Variants in FAM13A observed in about 807,000 individuals in gnomAD.
The protein encoded by FAM13A is family with sequence similarity 13 member A.
In FAM13A, 76 loss-of-function variants were observed where a neutral mutation model predicts 129.6. The observed-to-expected ratio is 0.59, with a 90% confidence interval of 0.49 to 0.71. FAM13A has a LOEUF of 0.71. Ranked by LOEUF, FAM13A falls within the 30% of genes least tolerant of loss-of-function variation. The pLI, the probability that FAM13A is intolerant of heterozygous loss-of-function variation, is 0.00. For synonymous variants in FAM13A, 443 were observed against 449.9 expected (o/e 0.98, Z 0.20); for missense variants, 1,108 against 1,249.3 (o/e 0.89, Z 1.70).
chr4:88,922,545 C>T (rs1468548101), intron 5 of FAM13A, among the ~76,000 whole-genome samples: 5 of 151,888 alleles, frequency 3.3e-5, no homozygotes, highest in African/African-American at 1.2e-4. Flanking sequence ...GGGACACATT[C>T]AAAGCAGTGT....
chr4:89,004,566 TC>T (rs1252375715), intron 3 of FAM13A, among the ~76,000 whole-genome samples: 2 of 152,204 alleles, frequency 1.3e-5, no homozygotes, highest in Non-Finnish European at 2.9e-5. Flanking sequence ...CTTTTCCTTC[TC>T]CTTTCTAATC....
At chr4:88,912,837 C>T (rs1749302131) in intron 5 of FAM13A, among the ~76,000 whole-genome samples, 1 of 152,016 alleles carries the variant, frequency 6.6e-6, no homozygotes, top group Admixed American at 6.6e-5. Context: ...TAAAATTAGG[C>T]AGGCATGGTG....
intron 5 of FAM13A, among the ~76,000 whole-genome samples, chr4:88,920,800 T>C (rs570181734): frequency 1.6e-4 from 24 of 152,180 alleles, no homozygotes; most frequent in African/African-American, 5.3e-4. Flanking sequence ...TTAAAAACTT[T>C]GAAAAAAATT....
intron 19 of FAM13A, among the ~76,000 whole-genome samples, chr4:88,746,197 T>A (rs1172566495): frequency 6.6e-6 from 1 of 152,228 alleles, no homozygotes; most frequent in Non-Finnish European, 1.5e-5. Flanking sequence ...CTTTTAAAAA[T>A]TTGTTTTGTT....
chr4:88,965,750 C>G (rs1428067089), intron 4 of FAM13A, among the ~76,000 whole-genome samples: 2 of 152,190 alleles, frequency 1.3e-5, no homozygotes, highest in Non-Finnish European at 2.9e-5. Context: ...CTGCTAACCA[C>G]CATTCTACCG....
At chr4:88,998,352 A>G (rs1168720044) in intron 3 of FAM13A, among the ~76,000 whole-genome samples, 1 of 152,212 alleles carries the variant, frequency 6.6e-6, no homozygotes, top group Admixed American at 6.5e-5. Flanking sequence ...CCCAGGTACC[A>G]AATAGCTGAG....
Position 88,728,596 on chromosome 4 carries a change from C to T in FAM13A, c.3009G>A (p.Lys1003=), listed in dbSNP as rs1398406481. 1 of 1,614,198 alleles carries T rather than the reference C, an allele frequency of 6.2e-7. No homozygotes were observed. Residue 1003 remains lysine, a synonymous_variant, in exon 24 of 24, where the codon AAG becomes AAA. Coordinates refer to ENST00000264344, the MANE Select transcript of FAM13A (RefSeq NM_014883.4). ...GCACCTCCAGGAGCCTCAGTTTCGC[C>T]TTTATGTGCTTATATTCACTGTATT... ...AEEYSEYKHI[K]AKLRLLEVLI...
intron 2 of FAM13A, among the ~76,000 whole-genome samples, chr4:89,021,702 T>C (rs375370570): frequency 6.6e-6 from 1 of 152,136 alleles, no homozygotes; most frequent in African/African-American, 2.4e-5. Flanking sequence ...AAGTAGAGTA[T>C]GGAGAGGACC....
At chr4:89,026,432 T>C (rs1359314417) in intron 2 of FAM13A, among the ~76,000 whole-genome samples, 6 of 152,220 alleles carry the variant, frequency 3.9e-5, no homozygotes, top group African/African-American at 1.4e-4. Flanking sequence ...AACAGAAACC[T>C]GGCTCTTAAG....
At chr4:89,008,195 A>G (rs1463280769) in intron 3 of FAM13A, among the ~76,000 whole-genome samples, 1 of 152,226 alleles carries the variant, frequency 6.6e-6, no homozygotes, top group Non-Finnish European at 1.5e-5. Flanking sequence ...TAAAAAGCAC[A>G]GTGTTATGGA....
At chr4:89,017,001 A>G (rs1435384285) in intron 3 of FAM13A, among the ~76,000 whole-genome samples, 1 of 152,206 alleles carries the variant, frequency 6.6e-6, no homozygotes, top group Non-Finnish European at 1.5e-5. Flanking sequence ...ACAACTGCCT[A>G]CAGTATTCAG....
intron 4 of FAM13A, among the ~76,000 whole-genome samples, chr4:88,987,801 C>G (rs1762427875): frequency 7.3e-6 from 1 of 136,476 alleles, no homozygotes; most frequent in Admixed American, 7.9e-5. Context: ...AAGATCGCGC[C>G]ACTGCACTCC....
At chr4:88,791,845 A>G (rs1401901092) in intron 8 of FAM13A, among the ~76,000 whole-genome samples, 1 of 152,010 alleles carries the variant, frequency 6.6e-6, no homozygotes, top group Non-Finnish European at 1.5e-5. Flanking sequence ...GGACTGTACA[A>G]TATTTCTCAT....
chr4:88,892,851 T>C (rs1561268459), intron 6 of FAM13A, among the ~76,000 whole-genome samples: 1 of 152,144 alleles, frequency 6.6e-6, no homozygotes, highest in Non-Finnish European at 1.5e-5. Flanking sequence ...TTTGCTGATA[T>C]TACATTATTT....
At chr4:88,786,639 C>G (rs1198043864) in intron 10 of FAM13A, among the ~76,000 whole-genome samples, 1 of 151,884 alleles carries the variant, frequency 6.6e-6, no homozygotes, top group Non-Finnish European at 1.5e-5. Context: ...GCACATGCTA[C>G]TTGTAAATCA....
chr4:88,983,879 T>C (rs1354917106), intron 4 of FAM13A, among the ~76,000 whole-genome samples: 1 of 152,192 alleles, frequency 6.6e-6, no homozygotes. Context: ...CTTGGAGTAT[T>C]GAAACTTCAT....
intron 5 of FAM13A, among the ~76,000 whole-genome samples, chr4:88,922,539 C>A (rs1311644032): frequency 6.6e-6 from 1 of 151,508 alleles, no homozygotes; most frequent in Admixed American, 6.6e-5. Flanking sequence ...ATCTCTGGGA[C>A]ACATTCAAAG....
intron 19 of FAM13A, among the ~76,000 whole-genome samples, chr4:88,744,615 AC>A (rs1349321039): frequency 1.3e-5 from 2 of 152,196 alleles, no homozygotes; most frequent in African/African-American, 4.8e-5. Context: ...GGGGTTTGGA[AC>A]AATAGTTTAA....
At chr4:89,013,719 G>A (rs903186036) in intron 3 of FAM13A, among the ~76,000 whole-genome samples, 14 of 152,018 alleles carry the variant, frequency 9.2e-5, no homozygotes, top group Admixed American at 2.6e-4. Flanking sequence ...AATTAGATTC[G>A]GTACATAATA....
Sources: gnomAD v4.1 joint callset for allele counts (sites outside exome capture counted in the v4.1 genomes callset) on GRCh38, gnomAD v4.1.1 for gene constraint, MANE v1.5 for transcripts, NCBI Gene and HGNC (gene_info 2026-07-23, HGNC 2026-07-21) for gene names.